Variants in FOXN3 observed in about 807,000 individuals in gnomAD.
FOXN3 encodes the protein forkhead box N3.
Under a neutral mutation model 38.4 loss-of-function variants are expected in FOXN3, and 7 were observed. The ratio of observed to expected loss-of-function variants is 0.18; its 90% CI spans 0.10 to 0.34. FOXN3 has a LOEUF of 0.34. Ranked by LOEUF, FOXN3 falls within the 10% of genes least tolerant of loss-of-function variation. The pLI, the probability that FOXN3 is intolerant of heterozygous loss-of-function variation, is 1.00. For missense variants in FOXN3, 456 were observed against 613.4 expected, an observed-to-expected ratio of 0.74 and a Z score of 2.71; for synonymous variants, 230 against 242.2, an observed-to-expected ratio of 0.95 and a Z score of 0.47.
upstream of FOXN3, chr14:89,619,156 A>AACCCCGGCTCCTGCGCCCGGC (rs1366682990): frequency 6.6e-6 from 1 of 150,636 alleles, no homozygotes; most frequent in East Asian, 1.9e-4. Flanking sequence ...TCGCGGCCGG[A>AACCCCGGCTCCTGCGCCCGGC]ACCCCGGCTC....
intron 3 of FOXN3, among the ~76,000 whole-genome samples, chr14:89,296,849 C>T (rs1887054704): frequency 6.6e-6 from 1 of 152,240 alleles, no homozygotes; most frequent in East Asian, 1.9e-4. Context: ...ATTGGTCAGA[C>T]TGGTCTCGAA....
intron 1 of FOXN3, among the ~76,000 whole-genome samples, chr14:89,482,582 C>G (rs1316019120): frequency 1.3e-5 from 2 of 150,898 alleles, no homozygotes; most frequent in Non-Finnish European, 3.0e-5. Context: ...CCACTGCACT[C>G]CAGCTGGAGC....
intron 1 of FOXN3, among the ~76,000 whole-genome samples, chr14:89,537,703 A>T (rs770935163): frequency 1.3e-5 from 2 of 152,236 alleles, no homozygotes; most frequent in Admixed American, 6.5e-5. Context: ...AAGACTGGTG[A>T]ATCAATCTCT....
chr14:89,370,517 C>A (rs768590309), intron 2 of FOXN3, among the ~76,000 whole-genome samples: 9 of 152,232 alleles, frequency 5.9e-5, no homozygotes, highest in Non-Finnish European at 1.0e-4. Context: ...GAGTGGGAAA[C>A]TCATGCACAT....
intron 1 of FOXN3, among the ~76,000 whole-genome samples, chr14:89,611,118 GAGCAGA>G (rs1480010560): frequency 3.9e-5 from 6 of 152,166 alleles, no homozygotes; most frequent in Non-Finnish European, 7.3e-5. Context: ...ACTCTTGCAA[GAGCAGA>G]GCTCTTGCTT....
intron 2 of FOXN3, among the ~76,000 whole-genome samples, chr14:89,366,717 G>A (rs1031729212): frequency 1.3e-5 from 2 of 152,110 alleles, no homozygotes; most frequent in Non-Finnish European, 1.5e-5. Flanking sequence ...AACTGGGCGC[G>A]CACTCCTTCC....
chr14:89,191,508 A>G (rs1019095128), intron 4 of FOXN3, among the ~76,000 whole-genome samples: 2 of 152,250 alleles, frequency 1.3e-5, no homozygotes, highest in African/African-American at 4.8e-5. Flanking sequence ...GATGGGGGAC[A>G]AGGGGCTCGC....
Position 89,312,284 on chromosome 14 carries a change from C to CAAAAAAAAAAAAAAAAAAA in FOXN3, c.681-31271_681-31270insTTTTTTTTTTTTTTTTTTT, listed in dbSNP as rs59949946. ...TGGGTGACAGAGCAAGACTCGGTCT[C>CAAAAAAAAAAAAAAAAAAA]AAAAAAAAAAAAAAAAAGAAGCCAA... On this transcript the variant is annotated intron_variant, in intron 3 of 5. Coordinates refer to ENST00000557258, the MANE Select transcript of FOXN3 (RefSeq NM_005197.4). Among the ~76,000 whole-genome samples, 62 of 60,550 alleles carry CAAAAAAAAAAAAAAAAAAA rather than the reference C, an allele frequency of 1.0e-3. 5 individuals carry two copies. The highest frequency in any genetic ancestry group is 3.6e-3 in the South Asian group (5 of 1,396). The allele number at this position is 60,550 out of a possible 152,430, so 39.7% of individuals were successfully genotyped here.
intron 1 of FOXN3, among the ~76,000 whole-genome samples, chr14:89,582,056 C>T (rs1895751139): frequency 6.6e-6 from 1 of 152,208 alleles, no homozygotes; most frequent in African/African-American, 2.4e-5. Context: ...TCTTCTGCAG[C>T]AGTGAGAATA....
Position 89,162,693 on chromosome 14 carries a change from C to T in FOXN3, c.1128G>A (p.Arg376=), listed in dbSNP as rs1887134751. The change falls in exon 6 of 6, where the codon AGG becomes AGA. Residue 376 remains arginine, a synonymous_variant. Transcript: ENST00000557258. The surrounding 1 kb of genome is among the most constrained non-coding windows in gnomAD (Gnocchi z 7.2). ...CCTTGGGCTCCTTCTGGCTGTGCTT[C>T]CTGTCGTCCTCTTCCGTGTCGCTGG... is the stretch of plus-strand genomic sequence containing the variant. ...ESPSDTEEDD[R]KHSQKEPKDS... The T allele has an allele frequency of 9.9e-6, 16 of 1,613,974 alleles. No homozygotes were observed. The highest frequency in any genetic ancestry group is 1.7e-5 in the Admixed American group (1 of 60,006).
intron 4 of FOXN3, among the ~76,000 whole-genome samples, chr14:89,253,436 C>T (rs1277795032): frequency 6.6e-6 from 1 of 152,056 alleles, no homozygotes; most frequent in Non-Finnish European, 1.5e-5. Context: ...ATCCTGTTTG[C>T]CCTGATGCTG....
intron 1 of FOXN3, among the ~76,000 whole-genome samples, chr14:89,449,820 G>A (rs1309733943): frequency 6.6e-6 from 1 of 152,132 alleles, no homozygotes; most frequent in Non-Finnish European, 1.5e-5. Context: ...TTTCCATCAG[G>A]CAGCCTCTAG....
chr14:89,615,724 A>C (rs1896482325), intron 1 of FOXN3, among the ~76,000 whole-genome samples: 1 of 152,214 alleles, frequency 6.6e-6, no homozygotes, highest in Non-Finnish European at 1.5e-5. Context: ...CATTAAACTT[A>C]ATCTTCTTTA....
At chr14:89,480,861 C>T (rs944599530) in intron 1 of FOXN3, among the ~76,000 whole-genome samples, 1 of 152,050 alleles carries the variant, frequency 6.6e-6, no homozygotes, top group African/African-American at 2.4e-5. Context: ...CGTTTAGAAA[C>T]CATATGTATA....
At chr14:89,304,914 C>G (rs2110701) in intron 3 of FOXN3, among the ~76,000 whole-genome samples, 54,704 of 146,708 alleles carry the variant, frequency 0.37, 10,181 homozygotes, top group African/African-American at 0.42. Context: ...CAGTGATCTG[C>G]GGACAAATCT....
At chr14:89,337,520 A>T (rs915522326) in intron 3 of FOXN3, among the ~76,000 whole-genome samples, 1 of 152,228 alleles carries the variant, frequency 6.6e-6, no homozygotes, top group Admixed American at 6.5e-5. Flanking sequence ...CCAGTTCCGC[A>T]GAAATGTACA....
chr14:89,238,505 C>T (rs1327256656), intron 4 of FOXN3, among the ~76,000 whole-genome samples: 3 of 152,214 alleles, frequency 2.0e-5, no homozygotes, highest in Non-Finnish European at 4.4e-5. Context: ...CTCACAATTA[C>T]AGTGCTGGTA....
At chr14:89,464,393 C>A (rs1186925856) in intron 1 of FOXN3, among the ~76,000 whole-genome samples, 1 of 152,154 alleles carries the variant, frequency 6.6e-6, no homozygotes, top group African/African-American at 2.4e-5. Flanking sequence ...GAAAAGCAAT[C>A]CTGGTGTCAT....
At chr14:89,213,124 G>A (rs182177224) in intron 4 of FOXN3, among the ~76,000 whole-genome samples, 3 of 152,248 alleles carry the variant, frequency 2.0e-5, no homozygotes, top group Admixed American at 1.3e-4. Context: ...GGAAGTGTCA[G>A]AGCAGATGGA....
Sources: allele counts gnomAD v4.1 joint callset (sites outside exome capture counted in the v4.1 genomes callset), GRCh38; gene constraint gnomAD v4.1.1; non-coding constraint Gnocchi (gnomAD v3.1); transcripts MANE v1.5; gene names NCBI Gene and HGNC (gene_info 2026-07-23, HGNC 2026-07-21).